RARS2: variants seen among roughly 807,000 people sequenced by gnomAD.
RARS2 encodes the protein probable arginine--tRNA ligase, mitochondrial.
Under a neutral mutation model 88.5 loss-of-function variants are expected in RARS2, and 67 were observed. That is an observed-to-expected ratio of 0.76 (90% CI 0.62 to 0.93). The LOEUF (loss-of-function observed/expected upper bound fraction) is 0.93. Ranked by LOEUF, RARS2 falls within the 40% of genes least tolerant of loss-of-function variation. The pLI is 0.00. For missense variants in RARS2, 664 were observed against 684.2 expected (o/e 0.97, Z 0.33); for synonymous variants, 239 against 230.3 (o/e 1.04, Z -0.34).
At chr6:87,548,812 G>A (rs771007342) in intron 5 of RARS2, among the ~76,000 whole-genome samples, 166 bp from the exon 6 acceptor site, 11 of 152,160 alleles carry the variant, frequency 7.2e-5, no homozygotes, top group Non-Finnish European at 1.3e-4. Flanking sequence ...ATTAGAACTC[G>A]AAATTTTGAC....
intron 1 of RARS2, among the ~76,000 whole-genome samples, chr6:87,578,117 C>T (rs1379126041): frequency 3.6e-5 from 5 of 138,380 alleles, no homozygotes; most frequent in Non-Finnish European, 6.4e-5. Context: ...ACCCCCCCCC[C>T]CGCCATCTCT....
At position 87,584,332 on chromosome 6, in the gene RARS2, T is replaced by C. The variant is rs115114814; in HGVS notation, c.36+5590A>G. On this transcript the variant is annotated intron_variant, in intron 1 of 19. Coordinates refer to ENST00000369536, the MANE Select transcript of RARS2 (RefSeq NM_020320.5). ...TTTTCTGCTACCATCCATGGAACAG[T>C]GGTAGAAACTTAAGAGGGTAAAATC... Among the ~76,000 whole-genome samples the C allele has an allele frequency of 3.1e-3, 476 of 152,282 alleles. 4 individuals are homozygous for C. Among genetic ancestry groups the C allele is most frequent in the African/African-American group, 0.011 (455 of 41,552 alleles).
intron 18 of RARS2, among the ~76,000 whole-genome samples, chr6:87,516,362 G>A (rs1296909327): frequency 6.6e-6 from 1 of 152,120 alleles, no homozygotes; most frequent in Non-Finnish European, 1.5e-5. Flanking sequence ...GTTTATACAC[G>A]CTTCATTCAT....
chr6:87,551,626 C>CAAAAAAAAAA lies in RARS2; in HGVS notation c.396-2990_396-2981dup, dbSNP rs71018036. Among the ~76,000 whole-genome samples the CAAAAAAAAAA allele has an allele frequency of 6.5e-4, 42 of 65,088 alleles. 1 individual carries two copies. The highest frequency in any genetic ancestry group is 1.2e-3 in the Admixed American group (5 of 4,110). The allele number at this position is 65,088 out of a possible 152,430, so 42.7% of individuals were successfully genotyped here. Reference sequence around the variant, plus strand: ...GCGAGACAGCAAGACTCCGTCTCAACAAAAAAAAAAAAAAAAAAAAAAAGA... The same window carrying CAAAAAAAAAA: ...GCGAGACAGCAAGACTCCGTCTCAACAAAAAAAAAAAAAAAAAAAAAAAAAAAAAAAAAGA... On this transcript the variant is annotated intron_variant, in intron 5 of 19. Transcript: ENST00000369536.
In RARS2 at chr6:87,576,274, C is replaced by CTTTT. The variant is rs55999428; in HGVS notation, c.37-6688_37-6685dup. ...TTACAGGTATAATAAACACAAATTT[C>CTTTT]TTTTTTTTTTTTTTTTTTTTGAGAC... On this transcript the variant is annotated intron_variant, in intron 1 of 19. Coordinates refer to ENST00000369536, the MANE Select transcript of RARS2 (RefSeq NM_020320.5). Among the ~76,000 whole-genome samples the CTTTT allele has an allele frequency of 6.1e-4, 49 of 80,786 alleles. 4 individuals are homozygous for CTTTT. Among genetic ancestry groups the CTTTT allele is most frequent in the African/African-American group, 1.3e-3 (24 of 18,130 alleles). The allele number at this position is 80,786 out of a possible 152,430, so 53.0% of individuals were successfully genotyped here.
chr6:87,520,446 A>G (rs1340199085), intron 12 of RARS2, among the ~76,000 whole-genome samples, 190 bp from the exon 13 acceptor site: 1 of 152,212 alleles, frequency 6.6e-6, no homozygotes, highest in Non-Finnish European at 1.5e-5. Flanking sequence ...AGGGAGGGAA[A>G]TAAGAGCCAT....
At chr6:87,585,911 A>G (rs1212008934) in intron 1 of RARS2, among the ~76,000 whole-genome samples, 1 of 152,210 alleles carries the variant, frequency 6.6e-6, no homozygotes, top group African/African-American at 2.4e-5. Context: ...ACAAGGAATA[A>G]TCTACGCAAT....
chr6:87,587,652 T>C (rs1412430430), intron 1 of RARS2, among the ~76,000 whole-genome samples: 1 of 152,232 alleles, frequency 6.6e-6, no homozygotes, highest in Non-Finnish European at 1.5e-5. Flanking sequence ...GGATCTCAAC[T>C]GACTCAATTA....
At chr6:87,559,907 C>G (rs551140858) in intron 4 of RARS2, among the ~76,000 whole-genome samples, 1 of 152,266 alleles carries the variant, frequency 6.6e-6, no homozygotes, top group East Asian at 1.9e-4. Flanking sequence ...TGTACCCTTC[C>G]TATGTTTAGA....
intron 3 of RARS2, among the ~76,000 whole-genome samples, chr6:87,562,998 A>G (rs547797298): frequency 6.6e-6 from 1 of 152,156 alleles, no homozygotes; most frequent in South Asian, 2.1e-4. Flanking sequence ...GCTATTCTGT[A>G]TTCAGTCTCT....
At chr6:87,560,884 G>A (rs1023840126) in intron 4 of RARS2, among the ~76,000 whole-genome samples, 3 of 151,942 alleles carry the variant, frequency 2.0e-5, no homozygotes, top group Admixed American at 6.6e-5. Context: ...GCAAAACTCC[G>A]TCTCAAAAAA....
chr6:87,532,705 AC>A (rs1347003236), intron 8 of RARS2, among the ~76,000 whole-genome samples: 2 of 152,146 alleles, frequency 1.3e-5, no homozygotes, highest in African/African-American at 4.8e-5. Context: ...CACAAGTAAG[AC>A]TATGCTGAGT....
chr6:87,518,553 C>T (rs564631583), intron 16 of RARS2, 77 bp downstream of exon 16: 14 of 1,439,628 alleles, frequency 9.7e-6, no homozygotes, highest in Non-Finnish European at 1.4e-5. Context: ...GAAAACAGGG[C>T]CTCTGGTCTT....
At chr6:87,567,479 T>C (rs985129847) in intron 2 of RARS2, among the ~76,000 whole-genome samples, 2 of 152,214 alleles carry the variant, frequency 1.3e-5, no homozygotes, top group African/African-American at 4.8e-5. Flanking sequence ...TTTACTACCA[T>C]CAGATAGTAG....
intron 6 of RARS2, 97 bp from the exon 7 acceptor site, chr6:87,545,796 T>C (rs2128119497): frequency 7.1e-7 from 1 of 1,403,548 alleles, no homozygotes; most frequent in East Asian, 2.4e-5. Flanking sequence ...AGTAGAAAAT[T>C]CTTTTCACTA....
intron 1 of RARS2, among the ~76,000 whole-genome samples, chr6:87,575,587 C>T (rs1454828432): frequency 6.6e-6 from 1 of 152,054 alleles, no homozygotes; most frequent in Non-Finnish European, 1.5e-5. Context: ...AATGGAAGCA[C>T]ACACAAAACT....
intron 4 of RARS2, among the ~76,000 whole-genome samples, chr6:87,562,155 ATG>A (rs1200364334): frequency 6.6e-6 from 1 of 152,062 alleles, no homozygotes; most frequent in Non-Finnish European, 1.5e-5. Context: ...TTGTAGAGAT[ATG>A]CTGCCAGGGC....
At chr6:87,542,536 A>C (rs1204591989) in intron 7 of RARS2, among the ~76,000 whole-genome samples, 1 of 152,098 alleles carries the variant, frequency 6.6e-6, no homozygotes, top group Non-Finnish European at 1.5e-5. Context: ...AACATCCTTG[A>C]TTATTTCTCA....
chr6:87,575,446 T>C (rs1771182018), intron 1 of RARS2, among the ~76,000 whole-genome samples: 1 of 152,166 alleles, frequency 6.6e-6, no homozygotes, highest in Non-Finnish European at 1.5e-5. Flanking sequence ...TTAATTTCCA[T>C]GGTACCTCGT....
Sources: gnomAD v4.1 joint callset for allele counts (sites outside exome capture counted in the v4.1 genomes callset) on GRCh38, gnomAD v4.1.1 for gene constraint, MANE v1.5 for transcripts, NCBI Gene and HGNC (gene_info 2026-07-23, HGNC 2026-07-21) for gene names.